ULK4: variants seen among roughly 807,000 people sequenced by gnomAD.
ULK4 encodes the protein unc-51 like kinase 4.
Under a neutral mutation model 160.6 loss-of-function variants are expected in ULK4, and 133 were observed. The ratio of observed to expected loss-of-function variants is 0.83; its 90% confidence interval spans 0.72 to 0.96. The LOEUF (loss-of-function observed/expected upper bound fraction) is 0.96, where lower values mean the gene tolerates loss of function less well. Among genes scored for constraint, ULK4 ranks in the 40% least tolerant of loss-of-function variants. The pLI is 0.00. For synonymous variants in ULK4, 534 were observed against 539.8 expected, an observed-to-expected ratio of 0.99 and a Z score of 0.15; for missense variants, 1,580 against 1,499.5, an observed-to-expected ratio of 1.05 and a Z score of -0.89.
intron 31 of ULK4, among the ~76,000 whole-genome samples, chr3:41,575,155 G>A (rs996022751): frequency 1.3e-5 from 2 of 152,182 alleles, no homozygotes; most frequent in Admixed American, 6.5e-5. Flanking sequence ...AACAGGGAAG[G>A]GAACAAGTTG....
chr3:41,823,448 C>T (rs1364532521), intron 18 of ULK4, among the ~76,000 whole-genome samples: 3 of 152,150 alleles, frequency 2.0e-5, no homozygotes, highest in Non-Finnish European at 4.4e-5. Flanking sequence ...ACAAAAAAGA[C>T]AAAATAAGAA....
chr3:41,293,361 G>A (rs192106197), intron 35 of ULK4, among the ~76,000 whole-genome samples: 113 of 152,280 alleles, frequency 7.4e-4, no homozygotes, highest in African/African-American at 2.7e-3. Context: ...TTAAAATCAG[G>A]AAGTGGCAAA....
intron 35 of ULK4, among the ~76,000 whole-genome samples, chr3:41,364,397 C>T (rs933946519): frequency 6.6e-6 from 1 of 152,200 alleles, no homozygotes; most frequent in Non-Finnish European, 1.5e-5. Flanking sequence ...CCCTGTGCTG[C>T]GCCCCTTGCA....
chr3:41,641,750 G>A (rs992902892), intron 30 of ULK4, among the ~76,000 whole-genome samples: 1 of 151,258 alleles, frequency 6.6e-6, no homozygotes, highest in African/African-American at 2.4e-5. Context: ...ATGCTTAAAC[G>A]ATTTATGAGA....
intron 19 of ULK4, among the ~76,000 whole-genome samples, chr3:41,803,801 C>A (rs897701435): frequency 2.6e-5 from 4 of 152,130 alleles, no homozygotes; most frequent in African/African-American, 9.7e-5. Flanking sequence ...CATGTCCCTA[C>A]AAAGGACATG....
intron 35 of ULK4, among the ~76,000 whole-genome samples, chr3:41,293,861 T>C (rs1006714409): frequency 6.6e-6 from 1 of 152,226 alleles, no homozygotes; most frequent in South Asian, 2.1e-4. Context: ...GAAGGCTTCA[T>C]GGCAAAAGTG....
intron 22 of ULK4, among the ~76,000 whole-genome samples, chr3:41,731,025 T>C (rs886509931): frequency 4.6e-5 from 7 of 152,098 alleles, no homozygotes; most frequent in African/African-American, 1.7e-4. Flanking sequence ...GAAGGAATGT[T>C]TGTACCTCAA....
At chr3:41,881,688 C>T (rs527638335) in intron 17 of ULK4, among the ~76,000 whole-genome samples, 1 of 152,200 alleles carries the variant, frequency 6.6e-6, no homozygotes, top group Admixed American at 6.5e-5. Context: ...CAGTACACGC[C>T]ATTTTTTTTA....
chr3:41,433,929 A>C (rs2082974034), intron 34 of ULK4, among the ~76,000 whole-genome samples: 1 of 152,142 alleles, frequency 6.6e-6, no homozygotes, highest in South Asian at 2.1e-4. Context: ...TCACCATGTT[A>C]GTCAGGATGG....
intron 21 of ULK4, among the ~76,000 whole-genome samples, chr3:41,773,899 G>T (rs1297559697): frequency 2.0e-5 from 3 of 152,152 alleles, no homozygotes; most frequent in Non-Finnish European, 4.4e-5. Context: ...ACAGAACAGA[G>T]CCCTCAGAAA....
chr3:41,754,943 C>G (rs1157436543), intron 21 of ULK4, among the ~76,000 whole-genome samples: 1 of 152,088 alleles, frequency 6.6e-6, no homozygotes, highest in Non-Finnish European at 1.5e-5. Flanking sequence ...GAGGGCTTAA[C>G]AGATATAAAG....
At chr3:41,750,562 C>T (rs766418701) in intron 22 of ULK4, among the ~76,000 whole-genome samples, 8 of 152,200 alleles carry the variant, frequency 5.3e-5, no homozygotes, top group Non-Finnish European at 7.4e-5. Flanking sequence ...TTTCAAAGCA[C>T]CAATGCTATC....
intron 35 of ULK4, among the ~76,000 whole-genome samples, chr3:41,325,623 A>C (rs901312216): frequency 6.6e-6 from 1 of 152,088 alleles, no homozygotes. Flanking sequence ...TTATATATAA[A>C]ATATATAATA....
intron 29 of ULK4, among the ~76,000 whole-genome samples, chr3:41,665,331 G>C (rs527939793): frequency 6.6e-6 from 1 of 152,056 alleles, no homozygotes; most frequent in Non-Finnish European, 1.5e-5. Context: ...AGTAGGACTT[G>C]AAAGCATAAG....
chr3:41,446,023 T>G (rs966619193), intron 34 of ULK4, among the ~76,000 whole-genome samples: 1 of 151,566 alleles, frequency 6.6e-6, no homozygotes, highest in Admixed American at 6.6e-5. Flanking sequence ...CAAACAAATT[T>G]ACAAGAAAAA....
intron 32 of ULK4, among the ~76,000 whole-genome samples, chr3:41,495,116 T>A (rs1419302351): frequency 6.6e-6 from 1 of 152,162 alleles, no homozygotes; most frequent in East Asian, 1.9e-4. Flanking sequence ...AGAGCCTGCA[T>A]CACCAAGTCA....
chr3:41,618,624 G>C (rs1353353528), intron 30 of ULK4, among the ~76,000 whole-genome samples: 1 of 152,080 alleles, frequency 6.6e-6, no homozygotes, highest in East Asian at 1.9e-4. Flanking sequence ...CCTGAAGGAA[G>C]CACTAAATAT....
chr3:41,674,277 A>C (rs1054215558), intron 29 of ULK4, among the ~76,000 whole-genome samples: 4 of 152,242 alleles, frequency 2.6e-5, no homozygotes, highest in Non-Finnish European at 5.9e-5. Flanking sequence ...AATAGTCAGC[A>C]TAAGACTACT....
At chr3:41,538,188 T>G (rs1210948439) in intron 32 of ULK4, among the ~76,000 whole-genome samples, 1 of 152,152 alleles carries the variant, frequency 6.6e-6, no homozygotes, top group African/African-American at 2.4e-5. Context: ...ATATAATGAC[T>G]TTGCTTTTTC....
Sources: allele counts gnomAD v4.1 joint callset (sites outside exome capture counted in the v4.1 genomes callset), GRCh38; gene constraint gnomAD v4.1.1; transcripts MANE v1.5; gene names NCBI Gene and HGNC (gene_info 2026-07-23, HGNC 2026-07-21).